Variants in SORT1 observed in about 807,000 individuals in gnomAD.
SORT1 encodes sortilin 1.
SORT1 carries 39 observed loss-of-function variants against 101.7 expected under a neutral mutation model. That is an observed-to-expected ratio of 0.38 (90% CI 0.30 to 0.50). SORT1 has a LOEUF of 0.50. Among genes scored for constraint, SORT1 ranks in the 20% least tolerant of loss-of-function variants. The pLI is 0.90. For synonymous variants in SORT1, 396 were observed against 393.7 expected (o/e 1.01, Z -0.07); for missense variants, 878 against 1,040.4 (o/e 0.84, Z 2.15).
intron 12 of SORT1, 109 bp from the exon 13 acceptor site, chr1:109,327,269 G>T (rs1181320261): frequency 9.7e-7 from 1 of 1,031,250 alleles, no homozygotes; most frequent in Non-Finnish European, 1.4e-6. Flanking sequence ...TTCCCATCAA[G>T]CCTCTTTTAG....
chr1:109,361,384 A>G (rs531449876), intron 3 of SORT1, among the ~76,000 whole-genome samples: 1 of 152,308 alleles, frequency 6.6e-6, no homozygotes, highest in East Asian at 1.9e-4. Context: ...CCAGAAACCC[A>G]TCATAATGGC....
At chr1:109,329,773 T>C (rs1267465825) in intron 11 of SORT1, among the ~76,000 whole-genome samples, 1 of 152,158 alleles carries the variant, frequency 6.6e-6, no homozygotes, top group African/African-American at 2.4e-5. Flanking sequence ...AGTAAGGGAC[T>C]TCAATACTTA....
chr1:109,363,114 G>A (rs1650838637), intron 3 of SORT1, among the ~76,000 whole-genome samples: 1 of 152,118 alleles, frequency 6.6e-6, no homozygotes, highest in South Asian at 2.1e-4. Context: ...AGAAACACCA[G>A]GAATAAAATA....
At chr1:109,348,410 T>C (rs539627902) in intron 6 of SORT1, among the ~76,000 whole-genome samples, 45 of 151,348 alleles carry the variant, frequency 3.0e-4, no homozygotes, top group African/African-American at 1.1e-3. Flanking sequence ...AAAAAAAACA[T>C]GTTACAAAAG....
In SORT1 at chr1:109,345,739, G is replaced by A; in HGVS notation, c.963+12C>T. 2 of 1,610,648 alleles carry A rather than the reference G, an allele frequency of 1.2e-6. No homozygotes were observed. The highest frequency in any genetic ancestry group is 1.3e-5 in the African/African-American group (1 of 74,714). On this transcript the variant is annotated intron_variant, in intron 8 of 19. Coordinates refer to ENST00000256637, the MANE Select transcript of SORT1 (RefSeq NM_002959.7). ...AAATATCAGACCCCAAAGGGGAGAGGGCAATACCTACCTTATCAGCCATCA... is the reference window on the plus strand; with the variant it reads ...AAATATCAGACCCCAAAGGGGAGAGAGCAATACCTACCTTATCAGCCATCA...
intron 15 of SORT1, among the ~76,000 whole-genome samples, chr1:109,318,364 C>A (rs1271288832): frequency 1.3e-5 from 2 of 152,188 alleles, no homozygotes; most frequent in Non-Finnish European, 2.9e-5. Flanking sequence ...GTTGGTCAGG[C>A]TGGTCTCAAA....
At chr1:109,382,483 C>T (rs975339417) in intron 1 of SORT1, among the ~76,000 whole-genome samples, 1 of 152,066 alleles carries the variant, frequency 6.6e-6, no homozygotes, top group South Asian at 2.1e-4. Context: ...ACAGATATAC[C>T]AGAAGGTTAC....
At chr1:109,347,268 A>C (rs1649667911) in intron 7 of SORT1, among the ~76,000 whole-genome samples, 1 of 152,222 alleles carries the variant, frequency 6.6e-6, no homozygotes, top group Non-Finnish European at 1.5e-5. Flanking sequence ...AAGATTAAAT[A>C]TTGCCTCTAC....
intron 2 of SORT1, 57 bp from the exon 3 acceptor site, chr1:109,367,538 T>C: frequency 8.8e-7 from 1 of 1,135,226 alleles, no homozygotes; most frequent in South Asian, 1.3e-5. Context: ...CACATGCTGA[T>C]ATGTGTTCGA....
intron 14 of SORT1, among the ~76,000 whole-genome samples, 191 bp from the exon 15 acceptor site, chr1:109,323,312 C>T (rs1005867508): frequency 6.6e-6 from 1 of 152,228 alleles, no homozygotes; most frequent in Non-Finnish European, 1.5e-5. Context: ...TTTCCTCATG[C>T]CAAAAGAGTA....
intron 3 of SORT1, among the ~76,000 whole-genome samples, chr1:109,358,925 G>A (rs998238206): frequency 6.6e-6 from 1 of 151,310 alleles, no homozygotes; most frequent in African/African-American, 2.4e-5. Context: ...CCATTTTCTG[G>A]TTACCAAAAA....
chr1:109,376,677 T>C (rs1482465289), intron 1 of SORT1, among the ~76,000 whole-genome samples: 1 of 151,988 alleles, frequency 6.6e-6, no homozygotes, highest in East Asian at 1.9e-4. Context: ...CTCACTTATA[T>C]TGGGAGGTAA....
chr1:109,380,701 G>A (rs1023980772), intron 1 of SORT1, among the ~76,000 whole-genome samples: 32 of 150,866 alleles, frequency 2.1e-4, no homozygotes, highest in Non-Finnish European at 2.7e-4. Flanking sequence ...AGAACAGGCC[G>A]GTGCAGTGGC....
Position 109,313,896 on chromosome 1 carries a change from T to C in SORT1, c.*147A>G. On this transcript the variant is annotated 3_prime_UTR_variant, in exon 20 of 20. Transcript: ENST00000256637. Reference sequence around the variant, plus strand: ...CCACCCCCACCCTGCATTTCTTTAGTGTAGGTCCTTTTGGCTTTGATGGAA... The same window carrying C: ...CCACCCCCACCCTGCATTTCTTTAGCGTAGGTCCTTTTGGCTTTGATGGAA... 1 of 668,432 alleles carries C rather than the reference T, an allele frequency of 1.5e-6. No homozygotes were observed. Among genetic ancestry groups the C allele is most frequent in the Non-Finnish European group, 2.6e-6 (1 of 391,980 alleles). 41.4% of individuals were successfully genotyped at this position (668,432 alleles called of 1,614,324 possible).
At chr1:109,352,017 TGCAC>T (rs1650003197) in intron 5 of SORT1, among the ~76,000 whole-genome samples, 1 of 150,012 alleles carries the variant, frequency 6.7e-6, no homozygotes, top group South Asian at 2.1e-4. Context: ...CGCACGTGCA[TGCAC>T]ATGCATGTAA....
intron 17 of SORT1, 53 bp from the exon 18 acceptor site, chr1:109,314,831 C>T (rs1390547921): frequency 5.0e-6 from 5 of 991,852 alleles, no homozygotes; most frequent in Non-Finnish European, 7.9e-6. Flanking sequence ...TATCCTAGGA[C>T]TGAGGTCAAG....
At chr1:109,326,570 CAT>C (rs3083702) in intron 13 of SORT1, among the ~76,000 whole-genome samples, 46 of 144,796 alleles carry the variant, frequency 3.2e-4, no homozygotes, top group Non-Finnish European at 6.1e-4. Context: ...CACACACACA[CAT>C]ACATATATAC....
chr1:109,376,914 T>G (rs1317597987), intron 1 of SORT1, among the ~76,000 whole-genome samples: 4 of 152,198 alleles, frequency 2.6e-5, no homozygotes, highest in Non-Finnish European at 4.4e-5. Context: ...AAAAGTTCTG[T>G]GTTTCTGCAC....
intron 1 of SORT1, among the ~76,000 whole-genome samples, chr1:109,374,474 C>T (rs1373886450): frequency 6.6e-6 from 1 of 151,760 alleles, no homozygotes; most frequent in East Asian, 1.9e-4. Context: ...ACCTGTAATC[C>T]CAGCTACTCA....
Sources: gnomAD v4.1 joint callset for allele counts (sites outside exome capture counted in the v4.1 genomes callset) on GRCh38, gnomAD v4.1.1 for gene constraint, MANE v1.5 for transcripts, NCBI Gene and HGNC (gene_info 2026-07-23, HGNC 2026-07-21) for gene names.